The following NECTIN1 variants were observed in gnomAD, a reference collection of about 807,000 sequenced individuals.
NECTIN1 encodes nectin cell adhesion molecule 1, also known as nectin-1.
NECTIN1 carries 23 observed loss-of-function variants against 48.0 expected under a neutral mutation model. That is an observed-to-expected ratio of 0.48 (90% CI 0.34 to 0.68). The LOEUF (loss-of-function observed/expected upper bound fraction) is 0.68. NECTIN1 is among the 30% of genes least tolerant of loss of function. The probability of loss-of-function intolerance (pLI) is 0.01; values close to 1 mark genes in which losing one functional copy is unlikely to be tolerated. For synonymous variants in NECTIN1, 270 were observed against 288.9 expected (o/e 0.93, Z 0.66); for missense variants, 591 against 709.9 (o/e 0.83, Z 1.90).
At chr11:119,715,895 G>A (rs550786693) in intron 1 of NECTIN1, among the ~76,000 whole-genome samples, 1 of 152,194 alleles carries the variant, frequency 6.6e-6, no homozygotes, top group Non-Finnish European at 1.5e-5. Context: ...GAGCGTGGAT[G>A]CCATGCAGTG....
chr11:119,723,313 AC>A (rs1308629662), intron 1 of NECTIN1, among the ~76,000 whole-genome samples: 1 of 151,918 alleles, frequency 6.6e-6, no homozygotes, highest in African/African-American at 2.4e-5. Context: ...TGGGATTCCA[AC>A]CCAGGCCAGT....
At chr11:119,639,586 C>G in intron 6 of NECTIN1, 1 of 520,828 alleles carries the variant, frequency 1.9e-6, no homozygotes, top group East Asian at 3.5e-5. Flanking sequence ...CACTATAAAT[C>G]GTGGATGGTA....
chr11:119,712,926 G>A (rs1865678857), intron 1 of NECTIN1: 1 of 152,204 alleles, frequency 6.6e-6, no homozygotes, highest in South Asian at 2.1e-4. Context: ...AAGAACATCT[G>A]CTGACTGACC....
chr11:119,676,120 A>C (rs1864944354), intron 4 of NECTIN1, among the ~76,000 whole-genome samples: 1 of 152,206 alleles, frequency 6.6e-6, no homozygotes, highest in African/African-American at 2.4e-5. Flanking sequence ...CACTCAGGTA[A>C]CGAGATAGGA....
chr11:119,692,126 C>T (rs1304831990), intron 1 of NECTIN1, among the ~76,000 whole-genome samples: 1 of 152,012 alleles, frequency 6.6e-6, no homozygotes, highest in Non-Finnish European at 1.5e-5. Flanking sequence ...GCCCGACCAT[C>T]CCTCTGCCCA....
At position 119,663,297 on chromosome 11, in the gene NECTIN1, G is replaced by A. The variant is rs1430609795; in HGVS notation, c.*1450C>T. On this transcript the variant is annotated 3_prime_UTR_variant, in exon 6 of 6. Coordinates refer to ENST00000264025, the MANE Select transcript of NECTIN1 (RefSeq NM_002855.5). ...GGAACTGAGGCACTTTGAGCTGGGG[G>A]ACTGAGAGGGCTGGGAGGGGTCTTC... 1 of 985,434 alleles carries A rather than the reference G, an allele frequency of 1.0e-6. No homozygotes were observed. The highest frequency in any genetic ancestry group is 1.2e-6 in the Non-Finnish European group (1 of 830,030). 61.0% of individuals were successfully genotyped at this position (985,434 alleles called of 1,614,324 possible). A position where few individuals can be genotyped will look rare whatever the true frequency, so the allele number is the denominator to read the frequency against.
chr11:119,690,902 G>T (rs1008764437), intron 1 of NECTIN1, among the ~76,000 whole-genome samples: 1 of 151,992 alleles, frequency 6.6e-6, no homozygotes, highest in East Asian at 1.9e-4. Flanking sequence ...CCTACCTTCC[G>T]GCTCAACTAC....
Position 119,662,935 on chromosome 11 carries a change from G to C in NECTIN1, c.*1812C>G. The C allele has an allele frequency of 1.0e-6, 1 of 983,628 alleles. No homozygotes were observed. 60.9% of individuals were successfully genotyped at this position (983,628 alleles called of 1,614,324 possible). A position where few individuals can be genotyped will look rare whatever the true frequency, so the allele number is the denominator to read the frequency against. ...CTGGGCTGGGGCCAGGGCAGTGAGG[G>C]CCAGACAACGACGACCCACCTGCTG... On this transcript the variant is annotated 3_prime_UTR_variant, in exon 6 of 6. Coordinates refer to ENST00000264025, the MANE Select transcript of NECTIN1 (RefSeq NM_002855.5). This position sits in a 1 kb window ranked among gnomAD's most constrained non-coding sequence, Gnocchi z 5.3.
chr11:119,661,752 T>G lies in NECTIN1; in HGVS notation c.*2995A>C, dbSNP rs2135539895. ...TGCAGCCCGGGCACTGGGAAATTCG[T>G]TTCTCCTTAATGGCTTTCAGCAGGA... On this transcript the variant is annotated 3_prime_UTR_variant, in exon 6 of 6. Transcript: ENST00000264025. 1 of 985,674 alleles carries G rather than the reference T, an allele frequency of 1.0e-6. No individual in the cohort carries two copies. The highest frequency in any genetic ancestry group is 1.7e-5 in the African/African-American group (1 of 57,352). The allele number at this position is 985,674 out of a possible 1,614,324, so 61.1% of individuals were successfully genotyped here.
At chr11:119,651,414 C>G (rs1244847077) in intron 5 of NECTIN1, among the ~76,000 whole-genome samples, 1 of 152,102 alleles carries the variant, frequency 6.6e-6, no homozygotes, top group Non-Finnish European at 1.5e-5. Flanking sequence ...TGGAGACGGA[C>G]AGCCCCAGTC....
rs1177159762 is a variant in NECTIN1 at position 119,664,807 on chromosome 11, A to C, written c.1494T>G (p.Ala498=). The part of the protein sequence containing the change: ...YQYDPEQLDL[A]ENMVSQNDGS... Reference sequence around the variant, plus strand: ...CGTCGTTCTGAGAAACCATGTTCTCAGCCAAGTCCAGCTGCTCAGGGTCGT... The same window carrying C: ...CGTCGTTCTGAGAAACCATGTTCTCCGCCAAGTCCAGCTGCTCAGGGTCGT... The change falls in exon 6 of 6, where the codon GCT becomes GCG. Residue 498 remains alanine (A), a synonymous_variant. Transcript: ENST00000264025. 1 of 1,613,690 alleles carries C rather than the reference A, an allele frequency of 6.2e-7. No individual in the cohort carries two copies. Among genetic ancestry groups the C allele is most frequent in the South Asian group, 1.1e-5 (1 of 91,016 alleles).
rs938855250 is a variant in NECTIN1, at chr11:119,673,982, C to T, written c.1003+1177G>A. ...CACACTCCCGCCCCTGGGTGAGAGA[C>T]GTGACAGAACGGCTCTGAGGACAGG... On this transcript the variant is annotated intron_variant, in intron 5 of 5. Coordinates refer to ENST00000264025, the MANE Select transcript of NECTIN1 (RefSeq NM_002855.5). This position sits in a 1 kb window ranked among gnomAD's most constrained non-coding sequence, Gnocchi z 5.8. Among the ~76,000 whole-genome samples, 9 of 152,320 alleles carry T rather than the reference C, an allele frequency of 5.9e-5. No individual in the cohort carries two copies. The highest frequency in any genetic ancestry group is 4.2e-4 in the South Asian group (2 of 4,818).
At chr11:119,670,106 G>T (rs1208823584) in intron 5 of NECTIN1, among the ~76,000 whole-genome samples, 1 of 151,850 alleles carries the variant, frequency 6.6e-6, no homozygotes, top group Non-Finnish European at 1.5e-5. Context: ...TTACAGGCAT[G>T]TGCCACCACA....
intron 1 of NECTIN1, among the ~76,000 whole-genome samples, chr11:119,687,096 T>A (rs1432288594): frequency 2.0e-5 from 3 of 152,072 alleles, no homozygotes; most frequent in Non-Finnish European, 4.4e-5. Context: ...AGGGTCCGAA[T>A]CTTCTCCTTC....
chr11:119,723,029 A>G (rs564374517), intron 1 of NECTIN1, among the ~76,000 whole-genome samples: 1 of 152,264 alleles, frequency 6.6e-6, no homozygotes, highest in Admixed American at 6.5e-5. Context: ...CATCCTGGCT[A>G]ACAGGGTGAA....
At chr11:119,721,513 T>C (rs556846070) in intron 1 of NECTIN1, among the ~76,000 whole-genome samples, 1 of 152,308 alleles carries the variant, frequency 6.6e-6, no homozygotes, top group Admixed American at 6.5e-5. Flanking sequence ...TGTCCTCTAA[T>C]GAGATCCAGG....
At chr11:119,711,196 C>T (rs1865639059) in intron 1 of NECTIN1, among the ~76,000 whole-genome samples, 1 of 151,850 alleles carries the variant, frequency 6.6e-6, no homozygotes, top group South Asian at 2.1e-4. Flanking sequence ...TCGAGACCAG[C>T]CTGACTAACA....
intron 1 of NECTIN1, among the ~76,000 whole-genome samples, chr11:119,682,837 C>G (rs1425803975): frequency 1.3e-5 from 2 of 152,204 alleles, no homozygotes; most frequent in Admixed American, 6.5e-5. Flanking sequence ...TGAGCACCTA[C>G]TCCATACTGG....
intron 5 of NECTIN1, among the ~76,000 whole-genome samples, chr11:119,668,153 C>T (rs890479568): frequency 6.6e-6 from 1 of 152,204 alleles, no homozygotes; most frequent in African/African-American, 2.4e-5. Flanking sequence ...ATTCTCACCA[C>T]CACTTCAAAA....
Sources: allele counts gnomAD v4.1 joint callset (sites outside exome capture counted in the v4.1 genomes callset), GRCh38; gene constraint gnomAD v4.1.1; non-coding constraint Gnocchi (gnomAD v3.1); transcripts MANE v1.5; gene names NCBI Gene and HGNC (gene_info 2026-07-23, HGNC 2026-07-21).